The following GABRB3 variants were observed in gnomAD, a reference collection of about 807,000 sequenced individuals.
GABRB3 encodes the protein gamma-aminobutyric acid type A receptor subunit beta3, also known as gamma-aminobutyric acid receptor subunit beta-3.
In GABRB3, 14 loss-of-function variants were observed where a neutral mutation model predicts 52.1. The ratio of observed to expected loss-of-function variants is 0.27; its 90% CI spans 0.18 to 0.42. The LOEUF (loss-of-function observed/expected upper bound fraction) is 0.42, where lower values mean the gene tolerates loss of function less well. Among genes scored for constraint, GABRB3 ranks in the 10% least tolerant of loss-of-function variants. GABRB3 has a pLI of 1.00. For missense variants in GABRB3, 307 were observed against 609.1 expected (o/e 0.50, Z 5.22); for synonymous variants, 260 against 232.3 (o/e 1.12, Z -1.08).
chr15:26,712,286 T>C (rs1001997247), intron 3 of GABRB3, among the ~76,000 whole-genome samples: 1 of 152,038 alleles, frequency 6.6e-6, no homozygotes, highest in African/African-American at 2.4e-5. Context: ...AATGCTGGGA[T>C]TACAGACATG....
intron 3 of GABRB3, among the ~76,000 whole-genome samples, chr15:26,633,575 C>T (rs1892964446): frequency 6.6e-6 from 1 of 152,128 alleles, no homozygotes; most frequent in Non-Finnish European, 1.5e-5. Flanking sequence ...CAGCCCCTTC[C>T]TCAAGGACTT....
intron 3 of GABRB3, among the ~76,000 whole-genome samples, chr15:26,694,221 G>A (rs1302553296): frequency 1.3e-5 from 2 of 152,180 alleles, no homozygotes; most frequent in Non-Finnish European, 2.9e-5. Context: ...ATGGGGGAAG[G>A]AAAGTACCTG....
rs111868809 is a variant in GABRB3, at chr15:26,575,826, T to C, written c.682+4493A>G. ...TTTCTTCCAATCTTAGCCAAAGTAT[T>C]TTGAAATAAAGTCAGAATATATCAC... On this transcript the variant is annotated intron_variant, in intron 6 of 8. Transcript: ENST00000311550. Among the ~76,000 whole-genome samples, 132 of 152,312 alleles carry C rather than the reference T, an allele frequency of 8.7e-4. 1 individual carries two copies. Among genetic ancestry groups the C allele is most frequent in the African/African-American group, 2.9e-3 (120 of 41,570 alleles).
chr15:26,614,989 C>T (rs1169784732), intron 4 of GABRB3: 1 of 150,908 alleles, frequency 6.6e-6, no homozygotes, highest in Admixed American at 6.6e-5. Flanking sequence ...GAACCCCCCC[C>T]TCGCCAACTC....
intron 3 of GABRB3, among the ~76,000 whole-genome samples, chr15:26,762,037 T>G (rs931364930): frequency 6.6e-5 from 10 of 152,134 alleles, no homozygotes; most frequent in Admixed American, 5.9e-4. Flanking sequence ...TTTGCCATGT[T>G]GGCCAGGCTG....
chr15:26,747,652 G>A (rs1339375259), intron 3 of GABRB3, among the ~76,000 whole-genome samples: 1 of 152,156 alleles, frequency 6.6e-6, no homozygotes, highest in East Asian at 1.9e-4. Flanking sequence ...GGATAACCAC[G>A]TCAATCAGAG....
chr15:26,758,457 C>T (rs1185901530), intron 3 of GABRB3, among the ~76,000 whole-genome samples: 2 of 152,106 alleles, frequency 1.3e-5, no homozygotes, highest in Non-Finnish European at 2.9e-5. Flanking sequence ...AATACTGAGC[C>T]AAACAGACTC....
At chr15:26,715,278 G>C (rs1384395480) in intron 3 of GABRB3, among the ~76,000 whole-genome samples, 1 of 152,130 alleles carries the variant, frequency 6.6e-6, no homozygotes, top group East Asian at 1.9e-4. Flanking sequence ...AGAGACAGCA[G>C]AAAAACCAAT....
chr15:26,737,681 C>A (rs1159488210), intron 3 of GABRB3, among the ~76,000 whole-genome samples: 1 of 152,026 alleles, frequency 6.6e-6, no homozygotes, highest in Non-Finnish European at 1.5e-5. Context: ...AAAATCAACT[C>A]TTTTATATAT....
chr15:26,732,132 AGATGGATGGATGGATG>A (rs748120956), intron 3 of GABRB3, among the ~76,000 whole-genome samples: 2 of 151,722 alleles, frequency 1.3e-5, no homozygotes, highest in Non-Finnish European at 2.9e-5. Context: ...ACAGATGGAC[AGATGGATGGATGGATG>A]GAAGGATGGA....
In GABRB3 at chr15:26,772,761, G is replaced by A. The variant is rs1891188202; in HGVS notation, c.92C>T (p.Pro31Leu). 4 of 1,561,428 alleles carry A rather than the reference G, an allele frequency of 2.6e-6. No individual in the cohort carries two copies. In the African/African-American group the frequency reaches 5.7e-5, roughly 22 times the overall value. Residue 31 changes from proline to leucine, a missense_variant, in exon 2 of 9, where the codon CCC (proline) becomes CTC (leucine). Transcript: ENST00000311550. ...VVCCAQSVNDPGNMSFVKETV... is the reference protein window; with the variant it reads ...VVCCAQSVNDLGNMSFVKETV... ...CTCCTTCACAAAGGACATGTTCCCGGGATCGTTCACACTGGGGGAGGGACG... is the reference window on the plus strand; with the variant it reads ...CTCCTTCACAAAGGACATGTTCCCGAGATCGTTCACACTGGGGGAGGGACG...
intron 3 of GABRB3, among the ~76,000 whole-genome samples, chr15:26,685,286 A>G (rs1888366387): frequency 1.3e-5 from 2 of 152,226 alleles, no homozygotes; most frequent in South Asian, 4.1e-4. Context: ...GAGCCAACTA[A>G]GGCAATTCAT....
chr15:26,557,485 G>A (rs929028102), intron 8 of GABRB3: 1 of 152,136 alleles, frequency 6.6e-6, no homozygotes, highest in Non-Finnish European at 1.5e-5. Flanking sequence ...TACCACTTCT[G>A]TTTCACGTAA....
At chr15:26,586,424 ACG>A (rs1491213716) in intron 4 of GABRB3, among the ~76,000 whole-genome samples, 5 of 151,312 alleles carry the variant, frequency 3.3e-5, no homozygotes, top group Non-Finnish European at 7.4e-5. Context: ...ACACACACAC[ACG>A]CATACATACA....
rs115949256 is a variant in GABRB3 at position 26,578,690 on chromosome 15, G to T, written c.682+1629C>A. On this transcript the variant is annotated intron_variant, in intron 6 of 8. Transcript: ENST00000311550. Reference sequence around the variant, plus strand: ...AAATCCTCATAGCAGCACGCTCATGGCCATTTCTGCAACTTTCTAGGCAAA... The same window carrying T: ...AAATCCTCATAGCAGCACGCTCATGTCCATTTCTGCAACTTTCTAGGCAAA... 5.2e-3 allele frequency among the ~76,000 whole-genome samples: 794 copies of T among 152,288 alleles called. 10 individuals are homozygous for T. Among genetic ancestry groups the T allele is most frequent in the African/African-American group, 0.019 (772 of 41,564 alleles).
At chr15:26,590,712 G>C (rs925289949) in intron 4 of GABRB3, among the ~76,000 whole-genome samples, 4 of 152,148 alleles carry the variant, frequency 2.6e-5, no homozygotes, top group Non-Finnish European at 5.9e-5. Flanking sequence ...TTTTGCTATG[G>C]GAACTCCTTG....
chr15:26,568,084 G>T (rs1358560304), intron 6 of GABRB3, among the ~76,000 whole-genome samples: 1 of 152,244 alleles, frequency 6.6e-6, no homozygotes, highest in East Asian at 1.9e-4. Context: ...AGACAGCGGA[G>T]ATGTGGCTCA....
At chr15:26,560,819 GT>G in intron 8 of GABRB3, 112 bp downstream of exon 8, 1 of 1,448,122 alleles carries the variant, frequency 6.9e-7, no homozygotes, top group East Asian at 2.3e-5. Flanking sequence ...TACAAGAAGG[GT>G]GTGTGGCTTG....
chr15:26,722,692 C>A (rs962149291), intron 3 of GABRB3, among the ~76,000 whole-genome samples: 2 of 152,232 alleles, frequency 1.3e-5, no homozygotes, highest in Non-Finnish European at 2.9e-5. Flanking sequence ...CAAAGGCATT[C>A]ATTCAGGAAT....
Sources: allele counts gnomAD v4.1 joint callset (sites outside exome capture counted in the v4.1 genomes callset), GRCh38; gene constraint gnomAD v4.1.1; transcripts MANE v1.5; gene names NCBI Gene and HGNC (gene_info 2026-07-23, HGNC 2026-07-21).